Variants in XKR6 observed in about 807,000 individuals in gnomAD.
XKR6 encodes XK related 6.
XKR6 carries 22 observed loss-of-function variants against 56.7 expected under a neutral mutation model. The ratio of observed to expected loss-of-function variants is 0.39; its 90% confidence interval spans 0.28 to 0.55. XKR6 has a LOEUF of 0.55. Ranked by LOEUF, XKR6 falls within the 20% of genes least tolerant of loss-of-function variation. The probability of loss-of-function intolerance (pLI) is 0.66; values close to 1 mark genes in which losing one functional copy is unlikely to be tolerated. For missense variants in XKR6, 852 were observed against 889.0 expected (o/e 0.96, Z 0.53); for synonymous variants, 524 against 387.8 (o/e 1.35, Z -4.13).
intron 1 of XKR6, among the ~76,000 whole-genome samples, chr8:11,097,673 G>T (rs1798308661): frequency 6.6e-6 from 1 of 151,586 alleles, no homozygotes. Flanking sequence ...CGGGCGTGGT[G>T]GTGCACACCT....
At chr8:11,192,450 C>T (rs1803635832) in intron 1 of XKR6, among the ~76,000 whole-genome samples, 1 of 152,030 alleles carries the variant, frequency 6.6e-6, no homozygotes, top group Non-Finnish European at 1.5e-5. Flanking sequence ...GCCTGGCCTA[C>T]AAAAATCTTT....
At chr8:11,147,996 G>C (rs535816504) in intron 1 of XKR6, among the ~76,000 whole-genome samples, 2 of 152,188 alleles carry the variant, frequency 1.3e-5, no homozygotes, top group African/African-American at 4.8e-5. Flanking sequence ...GATCACTTGA[G>C]GTCAGGAGTT....
intron 1 of XKR6, among the ~76,000 whole-genome samples, chr8:11,167,202 T>G (rs1802123205): frequency 6.6e-6 from 1 of 152,146 alleles, no homozygotes; most frequent in Non-Finnish European, 1.5e-5. Flanking sequence ...GTCAGAACTC[T>G]GGAAAACAGT....
At chr8:11,145,600 C>G (rs1172207062) in intron 1 of XKR6, among the ~76,000 whole-genome samples, 2 of 152,050 alleles carry the variant, frequency 1.3e-5, no homozygotes, top group African/African-American at 4.8e-5. Flanking sequence ...ATTAATAGGA[C>G]AATGACATTA....
At chr8:11,154,846 C>T (rs1264998141) in intron 1 of XKR6, among the ~76,000 whole-genome samples, 1 of 152,166 alleles carries the variant, frequency 6.6e-6, no homozygotes, top group Non-Finnish European at 1.5e-5. Flanking sequence ...CCATTGACTG[C>T]CTCTACCCTC....
intron 1 of XKR6, among the ~76,000 whole-genome samples, chr8:11,089,881 T>C (rs917370576): frequency 3.9e-5 from 6 of 152,230 alleles, no homozygotes; most frequent in Admixed American, 3.9e-4. Flanking sequence ...TCTTACTAGA[T>C]ATATACTTAT....
intron 1 of XKR6, among the ~76,000 whole-genome samples, chr8:11,151,697 T>TG (rs1801277124): frequency 6.7e-6 from 1 of 148,386 alleles, no homozygotes; most frequent in Non-Finnish European, 1.5e-5. Context: ...TTGAACAAGT[T>TG]TTTTTTTTTT....
At chr8:11,085,676 C>T (rs1242249180) in intron 1 of XKR6, among the ~76,000 whole-genome samples, 2 of 152,144 alleles carry the variant, frequency 1.3e-5, no homozygotes, top group Admixed American at 6.5e-5. Context: ...TCCCTTCTGC[C>T]CTGCCTTGGT....
chr8:11,057,256 C>A (rs971916944), intron 1 of XKR6, among the ~76,000 whole-genome samples: 1 of 152,210 alleles, frequency 6.6e-6, no homozygotes, highest in Non-Finnish European at 1.5e-5. Context: ...CTTTGTCACA[C>A]TTGTCACTGT....
intron 1 of XKR6, among the ~76,000 whole-genome samples, chr8:10,974,329 G>C (rs1439450393): frequency 6.6e-6 from 1 of 152,208 alleles, no homozygotes; most frequent in African/African-American, 2.4e-5. Flanking sequence ...CAGGTGAAGA[G>C]CACCTTGGCC....
At chr8:11,167,874 G>A (rs1802160920) in intron 1 of XKR6, among the ~76,000 whole-genome samples, 3 of 134,112 alleles carry the variant, frequency 2.2e-5, no homozygotes, top group South Asian at 5.2e-4. Flanking sequence ...GGGTGACAGA[G>A]TAAGACCCCA....
At chr8:11,177,729 AGAAGCTAG>A (rs1260591813) in intron 1 of XKR6, among the ~76,000 whole-genome samples, 1 of 152,238 alleles carries the variant, frequency 6.6e-6, no homozygotes, top group African/African-American at 2.4e-5. Context: ...CTGCCACCCC[AGAAGCTAG>A]GAAGGGGCAT....
intron 1 of XKR6, among the ~76,000 whole-genome samples, chr8:10,991,301 T>A (rs915164083): frequency 6.6e-6 from 1 of 152,226 alleles, no homozygotes; most frequent in East Asian, 1.9e-4. Context: ...ATGGGAGCTG[T>A]CCAGGGTCAC....
chr8:10,997,585 C>G (rs1382067296), intron 1 of XKR6, among the ~76,000 whole-genome samples: 1 of 152,182 alleles, frequency 6.6e-6, no homozygotes, highest in Non-Finnish European at 1.5e-5. Flanking sequence ...GGAGAGGAGG[C>G]CATTCCAGGG....
At chr8:10,962,108 C>CG (rs1266931960) in intron 1 of XKR6, among the ~76,000 whole-genome samples, 1 of 152,152 alleles carries the variant, frequency 6.6e-6, no homozygotes, top group Non-Finnish European at 1.5e-5. Flanking sequence ...TGACTTTCCG[C>CG]GGGGGCGACA....
At chr8:11,186,800 G>C (rs749256545) in intron 1 of XKR6, among the ~76,000 whole-genome samples, 1 of 152,136 alleles carries the variant, frequency 6.6e-6, no homozygotes, top group Non-Finnish European at 1.5e-5. Flanking sequence ...ACCACCCCAC[G>C]ACAAACAATA....
chr8:11,174,739 C>G (rs1333866309), intron 1 of XKR6, among the ~76,000 whole-genome samples: 1 of 152,052 alleles, frequency 6.6e-6, no homozygotes, highest in South Asian at 2.1e-4. Flanking sequence ...TTCGCACTTT[C>G]CAAGTCTAGC....
At chr8:10,912,985 T>C (rs983647080) in intron 2 of XKR6, among the ~76,000 whole-genome samples, 2 of 149,202 alleles carry the variant, frequency 1.3e-5, no homozygotes, top group Non-Finnish European at 3.0e-5. Context: ...TGAGTGTATA[T>C]ACACATACAT....
At chr8:11,119,916 C>T (rs984910564) in intron 1 of XKR6, among the ~76,000 whole-genome samples, 1 of 152,058 alleles carries the variant, frequency 6.6e-6, no homozygotes, top group Admixed American at 6.6e-5. Context: ...AGCATATAAA[C>T]AGAACCAAAG....
Sources: gnomAD v4.1 joint callset for allele counts (sites outside exome capture counted in the v4.1 genomes callset) on GRCh38, gnomAD v4.1.1 for gene constraint, MANE v1.5 for transcripts, NCBI Gene and HGNC (gene_info 2026-07-23, HGNC 2026-07-21) for gene names.